Variants in ATL2 observed in about 807,000 individuals in gnomAD.
The protein encoded by ATL2 is atlastin GTPase 2.
ATL2 carries 31 observed loss-of-function variants against 73.9 expected under a neutral mutation model. The ratio of observed to expected loss-of-function variants is 0.42; its 90% CI spans 0.32 to 0.57. The LOEUF (loss-of-function observed/expected upper bound fraction) is 0.57, where lower values mean the gene tolerates loss of function less well. Among genes scored for constraint, ATL2 ranks in the 20% least tolerant of loss-of-function variants. The pLI is 0.14. For synonymous variants in ATL2, 291 were observed against 237.5 expected (o/e 1.23, Z -2.07); for missense variants, 738 against 702.6 (o/e 1.05, Z -0.57).
intron 9 of ATL2, among the ~76,000 whole-genome samples, chr2:38,304,741 A>T (rs1032342723): frequency 2.6e-5 from 4 of 152,202 alleles, no homozygotes; most frequent in Admixed American, 6.5e-5. Flanking sequence ...TTTAAAATAA[A>T]TATATTATAG....
At chr2:38,334,878 T>A (rs1487549895) in intron 2 of ATL2, among the ~76,000 whole-genome samples, 5 of 134,772 alleles carry the variant, frequency 3.7e-5, no homozygotes, top group South Asian at 2.2e-4. Context: ...ATAATATATA[T>A]TATATAATAT....
intron 2 of ATL2, among the ~76,000 whole-genome samples, chr2:38,319,688 T>C (rs974275431): frequency 2.6e-5 from 4 of 152,052 alleles, no homozygotes; most frequent in Admixed American, 2.6e-4. Flanking sequence ...GCACCAATTA[T>C]TTTAACATGT....
At position 38,313,392 on chromosome 2, in the gene ATL2, T is replaced by C. The variant is rs528238906; in HGVS notation, c.712-149A>G. On this transcript the variant is annotated intron_variant, in intron 6 of 12. Transcript: ENST00000378954. ...ACTAAATGGTCAGTACTGGTCATGG[T>C]TATATCAAGGACCCACTTAAACAAC... 1.2e-3 allele frequency: 696 copies of C among 588,198 alleles called. 2 individuals carry two copies. Among genetic ancestry groups the C allele is most frequent in the Non-Finnish European group, 1.4e-3 (492 of 346,120 alleles). The allele number at this position is 588,198 out of a possible 1,614,324, so 36.4% of individuals were successfully genotyped here. A position where few individuals can be genotyped will look rare whatever the true frequency, so the allele number is the denominator to read the frequency against.
chr2:38,358,969 A>G (rs1194136231), intron 1 of ATL2, among the ~76,000 whole-genome samples: 1 of 152,246 alleles, frequency 6.6e-6, no homozygotes, highest in Non-Finnish European at 1.5e-5. Flanking sequence ...ATTTTAACTT[A>G]TAATCTGGTC....
At chr2:38,330,999 T>C (rs1668954442) in intron 2 of ATL2, among the ~76,000 whole-genome samples, 1 of 152,202 alleles carries the variant, frequency 6.6e-6, no homozygotes, top group Non-Finnish European at 1.5e-5. Context: ...GACAGCGTGA[T>C]ACTGGTATAA....
chr2:38,335,234 T>C (rs946524636), intron 2 of ATL2, among the ~76,000 whole-genome samples: 7 of 151,854 alleles, frequency 4.6e-5, no homozygotes, highest in Non-Finnish European at 1.0e-4. Context: ...ACCCAGCAAT[T>C]CTACTCCTGG....
In ATL2 at chr2:38,298,340, A is replaced by G. The variant is rs1667008975; in HGVS notation, c.1436T>C (p.Phe479Ser). Residue 479 changes from phenylalanine to serine, a missense_variant, in exon 12 of 13, where the codon TTT becomes TCT. By Grantham distance (155) the Phe-to-Ser change is radical (BLOSUM62 -2). Transcript: ENST00000378954. ...FYAARTPATL[F>S]AVMFAMYIIS... ...TATATACATAGCAAACATGACCGCA[A>G]ACAGTGTGGCTGGGGTACGAGCAGC... 1 of 1,614,206 alleles carries G rather than the reference A, an allele frequency of 6.2e-7. No homozygotes were observed.
At chr2:38,350,144 G>A (rs2175097) in intron 1 of ATL2, among the ~76,000 whole-genome samples, 16,005 of 152,084 alleles carry the variant, frequency 0.11, 2,782 homozygotes, top group African/African-American at 0.36. Flanking sequence ...CTGAAGTTAC[G>A]TCCTGTGTAT....
chr2:38,315,185 A>G, intron 5 of ATL2, 99 bp downstream of exon 5: 5 of 1,176,314 alleles, frequency 4.3e-6, no homozygotes, highest in Non-Finnish European at 5.5e-6. Context: ...TGGGAGGGGG[A>G]GGTTGCAGTG....
At chr2:38,364,930 G>C in intron 1 of ATL2, among the ~76,000 whole-genome samples, 1 of 152,096 alleles carries the variant, frequency 6.6e-6, no homozygotes, top group East Asian at 1.9e-4. Flanking sequence ...TGTAGTCCCA[G>C]CTACTAGGGA....
intron 1 of ATL2, among the ~76,000 whole-genome samples, chr2:38,349,734 C>G (rs928622432): frequency 6.6e-6 from 1 of 151,800 alleles, no homozygotes; most frequent in South Asian, 2.1e-4. Context: ...TTTGTTAACT[C>G]GAAAATTCAC....
intron 1 of ATL2, among the ~76,000 whole-genome samples, chr2:38,370,255 G>A (rs1671600979): frequency 6.7e-6 from 1 of 148,690 alleles, no homozygotes; most frequent in Non-Finnish European, 1.5e-5. Context: ...CCTGAGGTCA[G>A]GAGTTTGAAA....
At position 38,298,135 on chromosome 2, in the gene ATL2, GATACCA is replaced by G; in HGVS notation, c.1632+3_1632+8del. 1 of 1,591,068 alleles carries G rather than the reference GATACCA, an allele frequency of 6.3e-7. No individual in the cohort carries two copies. Among genetic ancestry groups the G allele is most frequent in the Non-Finnish European group, 8.6e-7 (1 of 1,168,430 alleles). On this transcript the variant is annotated splice_donor_5th_base_variant and intron_variant, in intron 12 of 12. Transcript: ENST00000378954. ...TTAGTCACTAAAAAACCAAAAGATA[GATACCA>G]ACCTGTTCCCATAGTGTTTCAGCAA...
At chr2:38,358,462 G>T in intron 1 of ATL2, 1 of 173,966 alleles carries the variant, frequency 5.7e-6, no homozygotes, top group Non-Finnish European at 1.3e-5. Context: ...CAGCACTTTG[G>T]GAGGCCAAGG....
chr2:38,313,139 T>C lies in ATL2; in HGVS notation c.804+12A>G, dbSNP rs868389790. 2 of 1,596,312 alleles carry C rather than the reference T, an allele frequency of 1.3e-6. No individual in the cohort carries two copies. The highest frequency in any genetic ancestry group is 1.7e-6 in the Non-Finnish European group (2 of 1,166,026). ...GTGCTTATGTTCTCCTCTTTAAGCATTAGGGTCTTACCTGTAATCTCTTTT... is the reference window on the plus strand; with the variant it reads ...GTGCTTATGTTCTCCTCTTTAAGCACTAGGGTCTTACCTGTAATCTCTTTT... On this transcript the variant is annotated intron_variant, in intron 7 of 12. Transcript: ENST00000378954.
chr2:38,329,146 G>T (rs1011546538), intron 2 of ATL2, among the ~76,000 whole-genome samples: 1 of 143,752 alleles, frequency 7.0e-6, no homozygotes, highest in African/African-American at 2.5e-5. Context: ...AAAAAAAAAG[G>T]CCAGGCGTGG....
intron 9 of ATL2, among the ~76,000 whole-genome samples, chr2:38,300,876 G>C (rs1158732470): frequency 2.1e-4 from 19 of 89,648 alleles, no homozygotes; most frequent in African/African-American, 9.7e-4. Context: ...TTCAGCTCAA[G>C]AAGGAAAAAA....
intron 1 of ATL2, among the ~76,000 whole-genome samples, chr2:38,375,207 CAAAG>C (rs1341925557): frequency 2.6e-5 from 4 of 152,192 alleles, no homozygotes; most frequent in African/African-American, 9.6e-5. Context: ...CAGAGGGAGA[CAAAG>C]AGTTTCTACA....
rs769978665 is a variant in ATL2 at position 38,298,436 on chromosome 2, T to C, written c.1340A>G (p.Gln447Arg). ...GGTTTCTTCAATTTCAGCTTCAAGCTGGTCCTGATAACGACGGCAGAACTC... is the reference window on the plus strand; with the variant it reads ...GGTTTCTTCAATTTCAGCTTCAAGCCGGTCCTGATAACGACGGCAGAACTC... The part of the protein sequence containing the change: ...GDEFCRRYQD[Q>R]LEAEIEETYA... Residue 447 changes from glutamine to arginine, a missense_variant, in exon 12 of 13, where the codon CAG becomes CGG. Physicochemically the swap from Gln to Arg is conservative, Grantham distance 43 (BLOSUM62 1). Transcript: ENST00000378954. The C allele has an allele frequency of 3.1e-6, 5 of 1,614,208 alleles. No homozygotes were observed. The South Asian group carries it at 4.4e-5, about 14-fold the overall frequency.
Sources: allele counts gnomAD v4.1 joint callset (sites outside exome capture counted in the v4.1 genomes callset), GRCh38; gene constraint gnomAD v4.1.1; transcripts MANE v1.5; gene names NCBI Gene and HGNC (gene_info 2026-07-23, HGNC 2026-07-21).